The following GABRB1 variants were observed in gnomAD, a reference collection of about 807,000 sequenced individuals.
The protein encoded by GABRB1 is gamma-aminobutyric acid receptor subunit beta-1.
A neutral mutation model predicts 51.6 loss-of-function variants in GABRB1; 17 were observed. That is an observed-to-expected ratio of 0.33 (90% CI 0.23 to 0.49). The LOEUF (loss-of-function observed/expected upper bound fraction) is 0.49. Among genes scored for constraint, GABRB1 ranks in the 20% least tolerant of loss-of-function variants. GABRB1 has a pLI of 0.99. For synonymous variants in GABRB1, 247 were observed against 218.9 expected (o/e 1.13, Z -1.14); for missense variants, 410 against 600.6 (o/e 0.68, Z 3.32).
intron 4 of GABRB1, among the ~76,000 whole-genome samples, chr4:47,188,066 A>T (rs1402392158): frequency 6.6e-6 from 1 of 151,976 alleles, no homozygotes; most frequent in Non-Finnish European, 1.5e-5. Context: ...TCCAAACACC[A>T]GATGTGCTCA....
intron 3 of GABRB1, among the ~76,000 whole-genome samples, chr4:47,142,832 G>C (rs934265172): frequency 6.6e-6 from 1 of 151,884 alleles, no homozygotes; most frequent in South Asian, 2.1e-4. Context: ...TGCCTGGGAT[G>C]TGAAAAGTAA....
chr4:47,050,849 C>T (rs992281804), intron 3 of GABRB1, among the ~76,000 whole-genome samples: 5 of 152,016 alleles, frequency 3.3e-5, no homozygotes, highest in Non-Finnish European at 5.9e-5. Context: ...CCATTCCTTC[C>T]ACTCTCTTTT....
At chr4:47,391,755 A>T (rs2110039440) in intron 5 of GABRB1, among the ~76,000 whole-genome samples, 1 of 152,336 alleles carries the variant, frequency 6.6e-6, no homozygotes, top group East Asian at 1.9e-4. Context: ...GGGACCATAA[A>T]CTCAAAACTC....
chr4:47,206,882 A>G (rs891612524), intron 4 of GABRB1, among the ~76,000 whole-genome samples: 17 of 151,468 alleles, frequency 1.1e-4, no homozygotes, highest in Non-Finnish European at 2.1e-4. Flanking sequence ...GTGTGTATGT[A>G]TATATATATG....
chr4:47,080,173 C>A (rs1727765264), intron 3 of GABRB1, among the ~76,000 whole-genome samples: 1 of 151,766 alleles, frequency 6.6e-6, no homozygotes, highest in South Asian at 2.1e-4. Context: ...AAGGCCAGGG[C>A]AGTGGAGAGC....
intron 4 of GABRB1, among the ~76,000 whole-genome samples, chr4:47,299,933 C>A (rs1423962445): frequency 2.6e-5 from 4 of 151,812 alleles, no homozygotes; most frequent in Non-Finnish European, 5.9e-5. Context: ...AGTTCATGTC[C>A]TTTGTAGGGA....
chr4:47,032,852 G>A (rs1414485163), intron 3 of GABRB1: 2 of 422,268 alleles, frequency 4.7e-6, no homozygotes, highest in Non-Finnish European at 9.7e-6. Flanking sequence ...TCCCCGGACC[G>A]GTGGTCGGCA....
intron 3 of GABRB1, among the ~76,000 whole-genome samples, chr4:47,038,470 T>C (rs1368507425): frequency 6.6e-6 from 1 of 152,210 alleles, no homozygotes; most frequent in Non-Finnish European, 1.5e-5. Context: ...GTATTTAAAC[T>C]GGGAACACTG....
intron 4 of GABRB1, among the ~76,000 whole-genome samples, chr4:47,319,863 CGTTATT>C (rs1412180499): frequency 6.6e-6 from 1 of 152,038 alleles, no homozygotes; most frequent in East Asian, 1.9e-4. Context: ...TCTCCTTGTT[CGTTATT>C]GGTTTGTTCA....
intron 3 of GABRB1, among the ~76,000 whole-genome samples, chr4:47,037,711 A>C (rs1397470555): frequency 1.3e-5 from 2 of 152,156 alleles, no homozygotes; most frequent in African/African-American, 4.8e-5. Flanking sequence ...AACTTACTGA[A>C]CATTTTCCAT....
intron 3 of GABRB1, among the ~76,000 whole-genome samples, chr4:47,045,336 C>T (rs949070233): frequency 1.3e-5 from 2 of 151,984 alleles, no homozygotes. Context: ...CTTAGGTTAT[C>T]GAAGGCTAAA....
chr4:47,331,324 A>G (rs1378600925), intron 5 of GABRB1, among the ~76,000 whole-genome samples: 1 of 152,136 alleles, frequency 6.6e-6, no homozygotes, highest in African/African-American at 2.4e-5. Context: ...CTCTCTGAAA[A>G]GTATCTGATC....
chr4:47,162,572 A>G (rs1220588421), intron 4 of GABRB1, among the ~76,000 whole-genome samples: 2 of 152,120 alleles, frequency 1.3e-5, no homozygotes, highest in East Asian at 1.9e-4. Flanking sequence ...CAAAGGAAGG[A>G]AAATATTTGA....
intron 5 of GABRB1, among the ~76,000 whole-genome samples, chr4:47,375,604 TC>T (rs1727349191): frequency 6.6e-6 from 1 of 152,194 alleles, no homozygotes; most frequent in Non-Finnish European, 1.5e-5. Flanking sequence ...GATTCTATCA[TC>T]TTATAGCAGC....
intron 4 of GABRB1, among the ~76,000 whole-genome samples, chr4:47,260,456 G>A (rs1345942586): frequency 6.6e-6 from 1 of 152,128 alleles, no homozygotes; most frequent in Non-Finnish European, 1.5e-5. Context: ...ATTTTGCAGT[G>A]GCTGGTACCA....
intron 4 of GABRB1, among the ~76,000 whole-genome samples, chr4:47,244,511 C>A (rs1453816147): frequency 6.6e-6 from 1 of 152,108 alleles, no homozygotes; most frequent in East Asian, 1.9e-4. Flanking sequence ...TCCATCTGGT[C>A]CTGGACTTTT....
chr4:47,311,871 G>A (rs1378966561), intron 4 of GABRB1, among the ~76,000 whole-genome samples: 2 of 152,198 alleles, frequency 1.3e-5, no homozygotes, highest in Middle Eastern at 3.4e-3. Flanking sequence ...ATTTGTGGGA[G>A]TCCAATGCCC....
intron 5 of GABRB1, among the ~76,000 whole-genome samples, chr4:47,393,616 C>T (rs1346488623): frequency 6.6e-6 from 1 of 152,166 alleles, no homozygotes; most frequent in East Asian, 1.9e-4. Flanking sequence ...AATTGAGTTG[C>T]TTATTGAGTA....
At chr4:47,182,417 C>T (rs980301197) in intron 4 of GABRB1, among the ~76,000 whole-genome samples, 19 of 151,898 alleles carry the variant, frequency 1.3e-4, no homozygotes, top group African/African-American at 3.6e-4. Flanking sequence ...AGCAAATGAT[C>T]CATGAGAATC....
Sources: gnomAD v4.1 joint callset for allele counts (sites outside exome capture counted in the v4.1 genomes callset) on GRCh38, gnomAD v4.1.1 for gene constraint, MANE v1.5 for transcripts, NCBI Gene and HGNC (gene_info 2026-07-23, HGNC 2026-07-21) for gene names.